Variants in GCN1 observed in about 807,000 individuals in gnomAD.
GCN1 encodes the protein GCN1 activator of EIF2AK4.
Under a neutral mutation model 288.4 loss-of-function variants are expected in GCN1, and 90 were observed. The observed-to-expected ratio is 0.31, with a 90% CI of 0.26 to 0.37. GCN1 has a LOEUF of 0.37. Among genes scored for constraint, GCN1 ranks in the 10% least tolerant of loss-of-function variants. The pLI is 1.00. For missense variants in GCN1, 2,586 were observed against 3,419.9 expected, an observed-to-expected ratio of 0.76 and a Z score of 6.08; for synonymous variants, 1,386 against 1,420.2, an observed-to-expected ratio of 0.98 and a Z score of 0.54.
chr12:120,162,196 G>C (rs1460148680), intron 20 of GCN1, 138 bp from the exon 21 acceptor site: 2 of 695,220 alleles, frequency 2.9e-6, no homozygotes, highest in African/African-American at 1.8e-5. Context: ...GCCCATCACA[G>C]TGGCCGGCTG....
At position 120,177,520 on chromosome 12, in the gene GCN1, G is replaced by T; in HGVS notation, c.765C>A (p.His255Gln). The T allele has an allele frequency of 6.2e-7, 1 of 1,611,462 alleles. No individual in the cohort carries two copies. ...GCAGTATCAGATCCTTAAATTCTGA[G>T]TGGGACAGGTATCGGAGCAGAGGGG... The part of the protein sequence containing the change: ...SCAPLLRYLS[H>Q]SEFKDLILPT... The change falls in exon 9 of 58, where the codon CAC (histidine) becomes CAA (glutamine). Residue 255 changes from histidine (H) to glutamine (Q), a missense_variant. Transcript: ENST00000300648.
At chr12:120,129,125 G>C (rs552408405) in intron 57 of GCN1, 151 bp downstream of exon 57, 2 of 694,922 alleles carry the variant, frequency 2.9e-6, no homozygotes, top group African/African-American at 1.8e-5. Context: ...CACCGCGCCC[G>C]GCCCCAGTCA....
At chr12:120,147,362 GA>G in intron 37 of GCN1, 90 bp from the exon 38 acceptor site, 1 of 603,450 alleles carries the variant, frequency 1.7e-6, no homozygotes, top group Non-Finnish European at 2.7e-6. Context: ...GATCAGAAGA[GA>G]AGGGAGTCTG....
At position 120,137,614 on chromosome 12, in the gene GCN1, G is replaced by C. The variant is rs375581317; in HGVS notation, c.6594C>G (p.Ile2198Met). 1.3e-5 allele frequency: 21 copies of C among 1,614,068 alleles called. No individual in the cohort carries two copies. The highest frequency in any genetic ancestry group is 1.7e-5 in the Non-Finnish European group (20 of 1,180,024). ...SHLRSLVSGL[I>M]RLFNDSSPVV... ...CAGGGCTGGAGTCATTGAAGAGGCG[G>C]ATCAGGCCCGAGACCAGGCTCCGCA... The change falls in exon 49 of 58, where the codon ATC (isoleucine) becomes ATG (methionine). Residue 2198 changes from isoleucine (I) to methionine (M), a missense_variant. By Grantham distance (10) the Ile-to-Met change is conservative. This residue lies in a region of GCN1 where 437 missense variants were observed against 570.5 expected (regional missense o/e 0.77). Transcript: ENST00000300648. This position sits in a 1 kb window ranked among gnomAD's most constrained non-coding sequence, Gnocchi z 5.2.
chr12:120,144,243 T>C lies in GCN1; in HGVS notation c.5495+63A>G. 1.3e-6 allele frequency: 2 copies of C among 1,584,686 alleles called. No individual in the cohort carries two copies. Among genetic ancestry groups the C allele is most frequent in the East Asian group, 4.5e-5 (2 of 44,764 alleles). Reference sequence around the variant, plus strand: ...CTCCTGCCTCGGCTTTCCAGAGTGCTCGGATTATAGGCATGAGCCACCACG... The same window carrying C: ...CTCCTGCCTCGGCTTTCCAGAGTGCCCGGATTATAGGCATGAGCCACCACG... On this transcript the variant is annotated intron_variant, in intron 42 of 57. Transcript: ENST00000300648. This position sits in a 1 kb window ranked among gnomAD's most constrained non-coding sequence, Gnocchi z 4.7.
At chr12:120,136,259 T>C (rs1263044147) in intron 51 of GCN1, among the ~76,000 whole-genome samples, 6 of 152,142 alleles carry the variant, frequency 3.9e-5, no homozygotes, top group Non-Finnish European at 1.5e-5. Context: ...TAGTCTCACA[T>C]TGTAGGTGAG....
rs528528318 is a variant in GCN1, at chr12:120,177,650, T to G, written c.729+34A>C. The G allele has an allele frequency of 3.5e-5, 55 of 1,579,072 alleles. No homozygotes were observed. In the South Asian group the frequency reaches 5.8e-4, roughly 17 times the overall value. ...ATCCCAGAATTGAAAATGGGATCAG[T>G]TGTCCAGGTGAGTAACGTCCACCTC... On this transcript the variant is annotated intron_variant, in intron 8 of 57. Coordinates refer to ENST00000300648, the MANE Select transcript of GCN1 (RefSeq NM_006836.2).
At chr12:120,173,932 G>A (rs984602569) in intron 13 of GCN1, 106 bp from the exon 14 acceptor site, 1 of 1,070,254 alleles carries the variant, frequency 9.3e-7, no homozygotes, top group South Asian at 1.4e-5. Context: ...AGGAAGCAGT[G>A]ATATTTCAGA....
intron 8 of GCN1, 37 bp from the exon 9 acceptor site, chr12:120,177,592 G>T (rs754604380): frequency 2.8e-5 from 43 of 1,547,172 alleles, no homozygotes; most frequent in Non-Finnish European, 3.8e-5. Flanking sequence ...TAGCCCTCAT[G>T]GGAACGGACC....
Position 120,145,292 on chromosome 12 carries a change from C to A in GCN1, c.4986G>T (p.Leu1662=), listed in dbSNP as rs369096532. Residue 1662 remains leucine (L), a synonymous_variant, in exon 39 of 58, where the codon CTG becomes CTT. Coordinates refer to ENST00000300648, the MANE Select transcript of GCN1 (RefSeq NM_006836.2). ...GCACAGGGTCCAAAAGCGATGCTTT[C>A]AGGCCAGGCGTCACGCTGGGCAGGT... is the stretch of plus-strand genomic sequence containing the variant. The part of the protein sequence containing the change: ...APYLPSVTPG[L]KASLLDPVPE... 2 of 1,602,880 alleles carry A rather than the reference C, an allele frequency of 1.2e-6. No homozygotes were observed. Among genetic ancestry groups the A allele is most frequent in the Non-Finnish European group, 1.7e-6 (2 of 1,174,502 alleles).
In GCN1 at chr12:120,156,941, C is replaced by T; in HGVS notation, c.3139G>A (p.Val1047Met). 6.2e-7 allele frequency: 1 copy of T among 1,613,178 alleles called. No homozygotes were observed. The highest frequency in any genetic ancestry group is 8.5e-7 in the Non-Finnish European group (1 of 1,179,234). ...RVAMLRLLTWVIGTGSPRLQV... is the reference protein window; with the variant it reads ...RVAMLRLLTWMIGTGSPRLQV... ...AAGCGAGGCGAGCCCGTCCCGATCA[C>T]CCAAGTCAGAAGACGCAGCATGGCC... Residue 1047 changes from valine to methionine, a missense_variant, in exon 27 of 58, where the codon GTG (valine) becomes ATG (methionine). Val to Met is a conservative substitution (Grantham distance 21, BLOSUM62 1). Coordinates refer to ENST00000300648, the MANE Select transcript of GCN1 (RefSeq NM_006836.2). This position sits in a 1 kb window ranked among gnomAD's most constrained non-coding sequence, Gnocchi z 5.8.
In GCN1 at chr12:120,137,717, T is replaced by A. The variant is rs764771009; in HGVS notation, c.6491A>T (p.Glu2164Val). The A allele has an allele frequency of 3.1e-6, 5 of 1,614,116 alleles. No homozygotes were observed. The East Asian group carries it at 1.1e-4, about 36-fold the overall frequency. Reference protein sequence around the residue: ...EDLLEATRSPEVGMRQAAAII... With the variant: ...EDLLEATRSPVVGMRQAAAII... ...GGCAGCAGCTTGCCTCATGCCCACC[T>A]CAGGGCTGCGGGTGGCCTCCAGCAG... Residue 2164 changes from glutamate (E) to valine (V), a missense_variant, in exon 49 of 58, where the codon GAG (glutamate) becomes GTG (valine). Coordinates refer to ENST00000300648, the MANE Select transcript of GCN1 (RefSeq NM_006836.2). This position sits in a 1 kb window ranked among gnomAD's most constrained non-coding sequence, Gnocchi z 5.2.
At chr12:120,173,985 G>C in intron 13 of GCN1, 86 bp downstream of exon 13, 2 of 1,034,246 alleles carry the variant, frequency 1.9e-6, no homozygotes, top group Middle Eastern at 2.0e-4. Flanking sequence ...CTTTAGGAGA[G>C]GTTTATGGAA....
At chr12:120,170,454 AGAAGT>A (rs779627799) in intron 14 of GCN1, 133 bp from the exon 15 acceptor site, 208 of 758,094 alleles carry the variant, frequency 2.7e-4, no homozygotes, top group Non-Finnish European at 4.2e-4. Context: ...TATCTCAAAA[AGAAGT>A]GAAGTGAAAT....
intron 5 of GCN1, among the ~76,000 whole-genome samples, chr12:120,180,996 A>AAG (rs1264335026): frequency 6.6e-6 from 1 of 151,956 alleles, no homozygotes; most frequent in East Asian, 1.9e-4. Context: ...CGTCTCAAAA[A>AAG]AAAAAAAAAG....
At chr12:120,165,849 T>C (rs1443360548) in intron 16 of GCN1, among the ~76,000 whole-genome samples, 1 of 151,808 alleles carries the variant, frequency 6.6e-6, no homozygotes, top group African/African-American at 2.4e-5. Flanking sequence ...TGGAATACAA[T>C]GGTGCAATCT....
chr12:120,185,814 T>C (rs189138852), intron 2 of GCN1, among the ~76,000 whole-genome samples: 1 of 152,258 alleles, frequency 6.6e-6, no homozygotes, highest in East Asian at 1.9e-4. Flanking sequence ...TTGGCCATGC[T>C]GGTCTCAAAC....
chr12:120,180,343 G>A (rs950721436), intron 5 of GCN1, among the ~76,000 whole-genome samples: 6 of 151,232 alleles, frequency 4.0e-5, no homozygotes, highest in Non-Finnish European at 7.4e-5. Context: ...AAGGCCAGGT[G>A]CAATGGTTCA....
chr12:120,174,815 A>G (rs1200341162), intron 12 of GCN1, among the ~76,000 whole-genome samples: 3 of 144,912 alleles, frequency 2.1e-5, no homozygotes, highest in Non-Finnish European at 4.5e-5. Flanking sequence ...AAAAAAGCTT[A>G]TCTACTACCA....
Sources: allele counts gnomAD v4.1 joint callset (sites outside exome capture counted in the v4.1 genomes callset), GRCh38; gene constraint gnomAD v4.1.1; regional missense constraint gnomAD v4.1.1; non-coding constraint Gnocchi (gnomAD v3.1); transcripts MANE v1.5; gene names NCBI Gene and HGNC (gene_info 2026-07-23, HGNC 2026-07-21).